CEP85L: variants seen among roughly 807,000 people sequenced by gnomAD.
The protein encoded by CEP85L is centrosomal protein 85L, also known as centrosomal protein of 85 kDa-like.
A neutral mutation model predicts 100.3 loss-of-function variants in CEP85L; 60 were observed. The ratio of observed to expected loss-of-function variants is 0.60; its 90% CI spans 0.49 to 0.74. The LOEUF is 0.74. Ranked by LOEUF, CEP85L falls within the 30% of genes least tolerant of loss-of-function variation. The pLI, the probability that CEP85L is intolerant of heterozygous loss-of-function variation, is 0.00. For synonymous variants in CEP85L, 319 were observed against 322.7 expected (o/e 0.99, Z 0.12); for missense variants, 973 against 936.2 (o/e 1.04, Z -0.51).
intron 5 of CEP85L, among the ~76,000 whole-genome samples, chr6:118,496,724 C>T (rs1021162775): frequency 6.6e-6 from 1 of 152,198 alleles, no homozygotes; most frequent in Admixed American, 6.5e-5. Flanking sequence ...CCAGAGATTT[C>T]TTTTAGAAAA....
chr6:118,587,063 C>T (rs1422288615), intron 2 of CEP85L, among the ~76,000 whole-genome samples: 1 of 152,244 alleles, frequency 6.6e-6, no homozygotes, highest in African/African-American at 2.4e-5. Context: ...CCTACAATAT[C>T]TGCCATGGCC....
chr6:118,498,750 G>A (rs1302673005), intron 5 of CEP85L, among the ~76,000 whole-genome samples: 2 of 152,100 alleles, frequency 1.3e-5, no homozygotes, highest in Non-Finnish European at 1.5e-5. Flanking sequence ...TATCTCAACA[G>A]CCCCATCAAT....
intron 5 of CEP85L, among the ~76,000 whole-genome samples, chr6:118,498,619 G>C (rs1394713746): frequency 7.2e-6 from 1 of 139,576 alleles, no homozygotes; most frequent in African/African-American, 2.6e-5. Context: ...AAAATAGAGA[G>C]AGAGAAAGGA....
At chr6:118,522,083 G>A (rs1049594086) in intron 4 of CEP85L, among the ~76,000 whole-genome samples, 10 of 152,082 alleles carry the variant, frequency 6.6e-5, no homozygotes, top group Admixed American at 2.0e-4. Flanking sequence ...ATTTCAGGCC[G>A]GGCATGGTGG....
At chr6:118,469,449 T>C (rs1179721404) in intron 11 of CEP85L, 146 bp from the exon 12 acceptor site, 10 of 612,130 alleles carry the variant, frequency 1.6e-5, no homozygotes, top group Non-Finnish European at 2.9e-5. Context: ...ACTACATATA[T>C]GCAGTGGGAA....
intron 6 of CEP85L, among the ~76,000 whole-genome samples, chr6:118,485,578 TAGAAA>T (rs1281977427): frequency 6.6e-6 from 1 of 152,232 alleles, no homozygotes; most frequent in African/African-American, 2.4e-5. Flanking sequence ...TCTATCAGAA[TAGAAA>T]ACCTTACATA....
At chr6:118,472,170 A>G (rs1773010343) in intron 10 of CEP85L, among the ~76,000 whole-genome samples, 1 of 152,094 alleles carries the variant, frequency 6.6e-6, no homozygotes, top group South Asian at 2.1e-4. Flanking sequence ...TTATATTTTT[A>G]CCAATTCAGA....
At chr6:118,500,646 G>GTC (rs1775235389) in intron 5 of CEP85L, among the ~76,000 whole-genome samples, 1 of 152,132 alleles carries the variant, frequency 6.6e-6, no homozygotes, top group African/African-American at 2.4e-5. Context: ...ATACTCTTTT[G>GTC]TCTTTGTCTT....
chr6:118,535,048 A>G (rs1408777523), intron 3 of CEP85L, among the ~76,000 whole-genome samples: 1 of 152,176 alleles, frequency 6.6e-6, no homozygotes, highest in Non-Finnish European at 1.5e-5. Flanking sequence ...AAATAATAAA[A>G]ATAAATACTC....
chr6:118,616,646 TAAAAAA>T (rs778624803), intron 2 of CEP85L, among the ~76,000 whole-genome samples: 4 of 127,790 alleles, frequency 3.1e-5, no homozygotes, highest in Non-Finnish European at 6.7e-5. Context: ...ACCCTGTCTT[TAAAAAA>T]AAAAAAAAAA....
chr6:118,633,278 C>T (rs1774289308), intron 1 of CEP85L, among the ~76,000 whole-genome samples: 1 of 150,698 alleles, frequency 6.6e-6, no homozygotes, highest in Non-Finnish European at 1.5e-5. Flanking sequence ...GATCTCTGCT[C>T]ACTGTAAGCG....
chr6:118,597,431 A>T (rs777927075), intron 2 of CEP85L, among the ~76,000 whole-genome samples: 5 of 152,236 alleles, frequency 3.3e-5, no homozygotes, highest in Admixed American at 6.5e-5. Context: ...AAAGAGTCAA[A>T]GTTCAGCTTG....
chr6:118,494,606 A>T (rs1168142105), intron 5 of CEP85L, among the ~76,000 whole-genome samples: 1 of 152,124 alleles, frequency 6.6e-6, no homozygotes, highest in East Asian at 1.9e-4. Flanking sequence ...GAAAGAAAAA[A>T]TCTTAGAAAA....
intron 2 of CEP85L, among the ~76,000 whole-genome samples, chr6:118,600,893 G>A (rs1781752367): frequency 6.6e-6 from 1 of 151,710 alleles, no homozygotes; most frequent in Non-Finnish European, 1.5e-5. Context: ...CTAGAAATTT[G>A]CTTGAATTTC....
chr6:118,606,871 G>A lies in CEP85L; in HGVS notation c.232+25582C>T, dbSNP rs144012673. 4.9e-4 allele frequency among the ~76,000 whole-genome samples: 74 copies of A among 152,034 alleles called. 2 individuals carry two copies. In the East Asian group the frequency reaches 0.013, roughly 27 times the overall value. ...TTGCATTAATCAAAACTTTACAGAG[G>A]AGATAAACACTGATTTTTTTTTTTA... On this transcript the variant is annotated intron_variant, in intron 2 of 12. Coordinates refer to ENST00000368491, the MANE Select transcript of CEP85L (RefSeq NM_001042475.3).
intron 2 of CEP85L, among the ~76,000 whole-genome samples, chr6:118,591,410 A>C (rs1227143446): frequency 6.6e-6 from 1 of 152,022 alleles, no homozygotes; most frequent in African/African-American, 2.4e-5. Context: ...TCCTGCAACC[A>C]ATCAGGCTGG....
intron 3 of CEP85L, chr6:118,559,470 T>C: frequency 4.0e-6 from 1 of 251,472 alleles, no homozygotes. Flanking sequence ...TAATTTATAT[T>C]ACAATGTAAA....
At chr6:118,568,344 A>G (rs1020459077) in intron 2 of CEP85L, among the ~76,000 whole-genome samples, 1 of 152,228 alleles carries the variant, frequency 6.6e-6, no homozygotes, top group Non-Finnish European at 1.5e-5. Context: ...AGCACCAAAT[A>G]TATTTAAGTA....
chr6:118,523,886 G>A lies in CEP85L; in HGVS notation c.1055C>T (p.Pro352Leu). The change falls in exon 4 of 13, where the codon CCT (proline) becomes CTT (leucine). Residue 352 changes from proline (P) to leucine (L), a missense_variant. Physicochemically the swap from Pro to Leu is moderately conservative, Grantham distance 98. Transcript: ENST00000368491. ...LTGSSRQSYSPGYQDFSKWES... is the reference protein window; with the variant it reads ...LTGSSRQSYSLGYQDFSKWES... Reference sequence around the variant, plus strand: ...CCACTTACTGAAATCCTGATAGCCAGGTGAATAACTTTGACGAGATGATCC... The same window carrying A: ...CCACTTACTGAAATCCTGATAGCCAAGTGAATAACTTTGACGAGATGATCC... The A allele has an allele frequency of 6.2e-7, 1 of 1,606,890 alleles. No homozygotes were observed. Among genetic ancestry groups the A allele is most frequent in the Non-Finnish European group, 8.5e-7 (1 of 1,174,778 alleles).
Sources: gnomAD v4.1 joint callset for allele counts (sites outside exome capture counted in the v4.1 genomes callset) on GRCh38, gnomAD v4.1.1 for gene constraint, MANE v1.5 for transcripts, NCBI Gene and HGNC (gene_info 2026-07-23, HGNC 2026-07-21) for gene names.